The following SLC25A12 variants were observed in gnomAD, a reference collection of about 807,000 sequenced individuals.
The protein encoded by SLC25A12 is solute carrier family 25 member 12, also known as electrogenic aspartate/glutamate antiporter SLC25A12, mitochondrial.
In SLC25A12, 32 loss-of-function variants were observed where a neutral mutation model predicts 83.3. The observed-to-expected ratio is 0.38, with a 90% confidence interval of 0.29 to 0.52. The LOEUF is 0.52. Ranked by LOEUF, SLC25A12 falls within the 20% of genes least tolerant of loss-of-function variation. The pLI is 0.84. For synonymous variants in SLC25A12, 267 were observed against 291.1 expected (o/e 0.92, Z 0.84); for missense variants, 611 against 835.6 (o/e 0.73, Z 3.31).
chr2:171,849,758 G>C (rs183587510), intron 4 of SLC25A12, among the ~76,000 whole-genome samples: 1 of 151,404 alleles, frequency 6.6e-6, no homozygotes. Flanking sequence ...GGGTTTCACC[G>C]TATTAGCCAG....
chr2:171,882,002 A>G (rs1685704860), intron 2 of SLC25A12, among the ~76,000 whole-genome samples: 2 of 152,154 alleles, frequency 1.3e-5, no homozygotes, highest in Non-Finnish European at 2.9e-5. Context: ...CATTTCACTT[A>G]AGGTATTTTT....
intron 4 of SLC25A12, chr2:171,845,901 G>A (rs766458667): frequency 2.9e-5 from 12 of 417,246 alleles, no homozygotes; most frequent in East Asian, 2.4e-4. Context: ...TAGGTCAAGC[G>A]TTTTCACCTT....
intron 2 of SLC25A12, among the ~76,000 whole-genome samples, chr2:171,892,351 G>A (rs1051966182): frequency 9.2e-5 from 14 of 151,488 alleles, no homozygotes; most frequent in East Asian, 5.8e-4. Context: ...TCAGCCTCCC[G>A]AGTAGCTGGG....
intron 4 of SLC25A12, among the ~76,000 whole-genome samples, chr2:171,846,200 TTCA>T (rs1684794494): frequency 6.6e-6 from 1 of 152,076 alleles, no homozygotes; most frequent in Non-Finnish European, 1.5e-5. Context: ...AAAGAAGTGT[TTCA>T]TCTTCAAGTT....
At chr2:171,873,042 G>A (rs1477743932) in intron 2 of SLC25A12, among the ~76,000 whole-genome samples, 3 of 152,154 alleles carry the variant, frequency 2.0e-5, no homozygotes, top group Non-Finnish European at 4.4e-5. Context: ...AAAAGTTTAA[G>A]AAGAAAGGAG....
chr2:171,845,902 T>C, intron 4 of SLC25A12: 1 of 413,012 alleles, frequency 2.4e-6, no homozygotes, highest in Non-Finnish European at 4.8e-6. Flanking sequence ...AGGTCAAGCG[T>C]TTTCACCTTA....
chr2:171,875,303 G>C (rs1048206734), intron 2 of SLC25A12, among the ~76,000 whole-genome samples: 1 of 152,150 alleles, frequency 6.6e-6, no homozygotes, highest in African/African-American at 2.4e-5. Flanking sequence ...CCACACTGTG[G>C]AGTGTACTTT....
chr2:171,833,412 G>C (rs545220336), intron 8 of SLC25A12, among the ~76,000 whole-genome samples: 3 of 151,160 alleles, frequency 2.0e-5, no homozygotes, highest in South Asian at 4.2e-4. Flanking sequence ...ATGTAACAGA[G>C]GAGAAGAAAG....
chr2:171,862,112 A>G (rs1028773574), intron 3 of SLC25A12, among the ~76,000 whole-genome samples: 3 of 152,222 alleles, frequency 2.0e-5, no homozygotes, highest in Admixed American at 6.5e-5. Context: ...AGGTTCCTCT[A>G]TATGCCTGTG....
chr2:171,891,982 T>C (rs1685948983), intron 2 of SLC25A12, among the ~76,000 whole-genome samples: 1 of 152,206 alleles, frequency 6.6e-6, no homozygotes. Flanking sequence ...CAAATAAAAA[T>C]GTCATCTATT....
intron 8 of SLC25A12, among the ~76,000 whole-genome samples, chr2:171,831,567 T>G (rs1193363371): frequency 6.6e-6 from 1 of 152,338 alleles, no homozygotes; most frequent in Non-Finnish European, 1.5e-5. Flanking sequence ...TCAGAAAATC[T>G]AAGCACGTCA....
intron 12 of SLC25A12, 69 bp downstream of exon 12, chr2:171,810,155 T>G (rs1683919866): frequency 7.1e-7 from 1 of 1,408,708 alleles, no homozygotes; most frequent in Non-Finnish European, 1.0e-6. Flanking sequence ...ACGCCTAGCC[T>G]TGATTTTAGC....
At chr2:171,841,565 A>AT (rs1234061854) in intron 5 of SLC25A12, among the ~76,000 whole-genome samples, 1 of 150,942 alleles carries the variant, frequency 6.6e-6, no homozygotes, top group African/African-American at 2.4e-5. Context: ...TAAAGATGGC[A>AT]TTTTGCCATG....
In SLC25A12 at chr2:171,785,376, C is replaced by T. The variant is rs369901246; in HGVS notation, c.1935G>A (p.Thr645=). Residue 645 remains threonine, a synonymous_variant, in exon 18 of 18, where the codon ACG becomes ACA. Transcript: ENST00000422440. Reference sequence around the variant, plus strand: ...CAAATTTGTTTTCGATGCCTGCAAACGTGGCTGTGGCGAGTCTGTATCCAC... The same window carrying T: ...CAAATTTGTTTTCGATGCCTGCAAATGTGGCTGTGGCGAGTCTGTATCCAC... ...HIGGYRLATA[T]FAGIENKFGL... The T allele has an allele frequency of 5.6e-6, 9 of 1,614,094 alleles. No individual in the cohort carries two copies. In the African/African-American group the frequency reaches 8.0e-5, roughly 14 times the overall value.
intron 13 of SLC25A12, among the ~76,000 whole-genome samples, chr2:171,800,717 A>T (rs1000385920): frequency 1.3e-5 from 2 of 152,256 alleles, no homozygotes; most frequent in African/African-American, 4.8e-5. Flanking sequence ...ACATCCATCA[A>T]GAGAAAAATG....
rs371180083 is a variant in SLC25A12 at position 171,816,190 on chromosome 2, G to A, written c.931-988C>T. ...AGGCCATCCCAACGACTCAGCCTCC[G>A]AAGTAGCTAGGACTACAGGTGCATG... On this transcript the variant is annotated intron_variant, in intron 9 of 17. Transcript: ENST00000422440. 1.4e-3 allele frequency among the ~76,000 whole-genome samples: 209 copies of A among 150,364 alleles called. 10 individuals carry two copies. In the South Asian group the frequency reaches 0.04, roughly 29 times the overall value.
chr2:171,802,690 G>A (rs368436763), intron 13 of SLC25A12, among the ~76,000 whole-genome samples: 9 of 152,144 alleles, frequency 5.9e-5, no homozygotes, highest in Non-Finnish European at 1.0e-4. Flanking sequence ...GCAGGAGAAT[G>A]GCGTGAACCC....
intron 13 of SLC25A12, among the ~76,000 whole-genome samples, chr2:171,800,422 C>A (rs1683687678): frequency 6.6e-6 from 1 of 151,762 alleles, no homozygotes; most frequent in South Asian, 2.1e-4. Context: ...AAATTTAAAC[C>A]ACAATAAGAT....
At chr2:171,785,529 C>T in intron 17 of SLC25A12, 54 bp from the exon 18 acceptor site, 1 of 1,529,072 alleles carries the variant, frequency 6.5e-7, no homozygotes, top group Non-Finnish European at 9.1e-7. Flanking sequence ...ATGAGCGCAG[C>T]TTACAGCTGG....
Sources: allele counts gnomAD v4.1 joint callset (sites outside exome capture counted in the v4.1 genomes callset), GRCh38; gene constraint gnomAD v4.1.1; transcripts MANE v1.5; gene names NCBI Gene and HGNC (gene_info 2026-07-23, HGNC 2026-07-21).